The following FAR2 variants were observed in gnomAD, a reference collection of about 807,000 sequenced individuals.
FAR2 encodes the protein fatty acyl-CoA reductase 2, also known as epididymis secretory protein Li 81.
Under a neutral mutation model 56.0 loss-of-function variants are expected in FAR2, and 19 were observed. The observed-to-expected ratio is 0.34, with a 90% CI of 0.24 to 0.50. The LOEUF (loss-of-function observed/expected upper bound fraction) is 0.50, where lower values mean the gene tolerates loss of function less well. Among genes scored for constraint, FAR2 ranks in the 20% least tolerant of loss-of-function variants. The pLI is 0.98. For synonymous variants in FAR2, 219 were observed against 218.8 expected (o/e 1.00, Z -0.01); for missense variants, 508 against 642.2 (o/e 0.79, Z 2.26).
intron 1 of FAR2, among the ~76,000 whole-genome samples, chr12:29,194,272 G>C (rs1229905150): frequency 2.0e-5 from 3 of 152,058 alleles, no homozygotes; most frequent in Non-Finnish European, 4.4e-5. Flanking sequence ...AACTTCTCAG[G>C]TTCTGAAATT....
At chr12:29,291,461 GA>G (rs1456329898) in intron 2 of FAR2, 1 of 455,964 alleles carries the variant, frequency 2.2e-6, no homozygotes, top group Admixed American at 2.3e-5. Context: ...GTTATAAAGG[GA>G]AATGAGTTGT....
chr12:29,297,303 T>C lies in FAR2; in HGVS notation c.545+103T>C, dbSNP rs1949088047. The C allele has an allele frequency of 4.4e-6, 5 of 1,138,788 alleles. No individual in the cohort carries two copies. In the East Asian group the frequency reaches 9.7e-5, roughly 22 times the overall value. The allele number at this position is 1,138,788 out of a possible 1,614,324, so 70.5% of individuals were successfully genotyped here. A position where few individuals can be genotyped will look rare whatever the true frequency, so the allele number is the denominator to read the frequency against. ...ATGAGATGATGAAGTCAAACACTTT[T>C]GAAGCAAAATGTTTTGAAACGGTGC... On this transcript the variant is annotated intron_variant, in intron 4 of 11. Coordinates refer to ENST00000536681, the MANE Select transcript of FAR2 (RefSeq NM_001271783.2).
intron 10 of FAR2, among the ~76,000 whole-genome samples, chr12:29,323,605 G>A (rs1176923752): frequency 6.6e-6 from 1 of 152,194 alleles, no homozygotes; most frequent in African/African-American, 2.4e-5. Context: ...CCGCTGTTCT[G>A]CAGCCACCGC....
chr12:29,210,667 G>A (rs1390697980), intron 1 of FAR2, among the ~76,000 whole-genome samples: 2 of 152,198 alleles, frequency 1.3e-5, no homozygotes, highest in South Asian at 2.1e-4. Context: ...TTTAACTCTT[G>A]TAAAACTGTA....
chr12:29,267,744 G>A (rs1948542899), intron 1 of FAR2, among the ~76,000 whole-genome samples: 1 of 152,118 alleles, frequency 6.6e-6, no homozygotes, highest in Non-Finnish European at 1.5e-5. Context: ...CTCAACAAAG[G>A]GAGCTCAAAC....
At chr12:29,164,149 G>T (rs1364313213) in intron 1 of FAR2, among the ~76,000 whole-genome samples, 1 of 152,124 alleles carries the variant, frequency 6.6e-6, no homozygotes, top group East Asian at 1.9e-4. Flanking sequence ...TATTATTAAG[G>T]CCATTTAGCT....
At chr12:29,179,862 T>C (rs10771488) in intron 1 of FAR2, among the ~76,000 whole-genome samples, 99,623 of 151,992 alleles carry the variant, frequency 0.66, 34,410 homozygotes, top group Non-Finnish European at 0.76. Context: ...CCATTTTCTC[T>C]ATAAAATATA....
chr12:29,170,633 C>A (rs1949875841), intron 1 of FAR2, among the ~76,000 whole-genome samples: 1 of 151,808 alleles, frequency 6.6e-6, no homozygotes, highest in Non-Finnish European at 1.5e-5. Context: ...CTTTGACTTT[C>A]TGTCTCTCTC....
chr12:29,304,781 GCTT>G (rs1367990665), intron 4 of FAR2, among the ~76,000 whole-genome samples: 3 of 152,142 alleles, frequency 2.0e-5, no homozygotes, highest in Admixed American at 1.3e-4. Flanking sequence ...ATGACTTTAT[GCTT>G]CTTCTGAAGC....
intron 1 of FAR2, among the ~76,000 whole-genome samples, chr12:29,237,291 C>T (rs1041797263): frequency 6.6e-6 from 1 of 152,110 alleles, no homozygotes; most frequent in South Asian, 2.1e-4. Flanking sequence ...CATAAAAATA[C>T]CAAGATGTTA....
chr12:29,252,946 G>T (rs995695114), intron 1 of FAR2, among the ~76,000 whole-genome samples: 1 of 152,112 alleles, frequency 6.6e-6, no homozygotes. Context: ...AGTGAAGCAG[G>T]TTACCCTTCA....
At chr12:29,309,765 T>C (rs2136786683) in intron 6 of FAR2, 1 of 152,800 alleles carries the variant, frequency 6.5e-6, no homozygotes, top group East Asian at 1.9e-4. Context: ...TTCAATAATA[T>C]CTTACCAGGA....
intron 10 of FAR2, among the ~76,000 whole-genome samples, chr12:29,331,210 C>CT (rs34349053): frequency 0.31 from 44,358 of 142,014 alleles, 8,345 homozygotes; most frequent in Admixed American, 0.46. Flanking sequence ...TAAAGATAGG[C>CT]TTTTTTTTTT....
intron 1 of FAR2, among the ~76,000 whole-genome samples, chr12:29,198,367 TA>T (rs1309141917): frequency 6.6e-6 from 1 of 152,134 alleles, no homozygotes; most frequent in Admixed American, 6.5e-5. Context: ...TAGCTGGGAC[TA>T]CAGGCACCTG....
chr12:29,304,170 C>A (rs183562546), intron 4 of FAR2, among the ~76,000 whole-genome samples: 153 of 152,326 alleles, frequency 1.0e-3, no homozygotes, highest in Admixed American at 4.6e-3. Flanking sequence ...TCCTTTCCCA[C>A]ATTCTCCCTA....
chr12:29,155,929 A>T (rs923205600), intron 1 of FAR2, among the ~76,000 whole-genome samples: 2 of 152,226 alleles, frequency 1.3e-5, no homozygotes, highest in African/African-American at 4.8e-5. Flanking sequence ...AAATAGTTAA[A>T]TTGACTTCCT....
chr12:29,263,750 T>A (rs1948463939), intron 1 of FAR2, among the ~76,000 whole-genome samples: 1 of 150,166 alleles, frequency 6.7e-6, no homozygotes, highest in South Asian at 2.1e-4. Flanking sequence ...TCCAGTAGAT[T>A]GAGCCATGAA....
rs75261794 is a variant in FAR2, at chr12:29,260,537, G to A, written c.-38-9875G>A. On this transcript the variant is annotated intron_variant, in intron 1 of 11. Coordinates refer to ENST00000536681, the MANE Select transcript of FAR2 (RefSeq NM_001271783.2). Reference sequence around the variant, plus strand: ...TGGGCCTTAGGTGAGATTCAGAGCTGTGCTGGCTTCAGGTGTGACCCAGTG... The same window carrying A: ...TGGGCCTTAGGTGAGATTCAGAGCTATGCTGGCTTCAGGTGTGACCCAGTG... Among the ~76,000 whole-genome samples the A allele has an allele frequency of 7.5e-3, 1,135 of 152,286 alleles. 13 individuals carry two copies. The highest frequency in any genetic ancestry group is 0.026 in the African/African-American group (1,090 of 41,546).
At chr12:29,176,515 A>G (rs546056306) in intron 1 of FAR2, among the ~76,000 whole-genome samples, 4 of 152,298 alleles carry the variant, frequency 2.6e-5, no homozygotes, top group South Asian at 2.1e-4. Context: ...GCTCATTTTT[A>G]TTTGAGAAAA....
Sources: gnomAD v4.1 joint callset for allele counts (sites outside exome capture counted in the v4.1 genomes callset) on GRCh38, gnomAD v4.1.1 for gene constraint, MANE v1.5 for transcripts, NCBI Gene and HGNC (gene_info 2026-07-23, HGNC 2026-07-21) for gene names.